The following DKKL1 variants were observed in gnomAD, a reference collection of about 807,000 sequenced individuals.
DKKL1 encodes the protein dickkopf like acrosomal protein 1, also known as dickkopf-like protein 1.
Under a neutral mutation model 16.5 loss-of-function variants are expected in DKKL1, and 11 were observed. That is an observed-to-expected ratio of 0.67 (90% confidence interval 0.42 to 1.10). DKKL1 has a LOEUF of 1.10. DKKL1 is among the 50% of genes least tolerant of loss of function. The probability of loss-of-function intolerance (pLI) is 0.00; values close to 1 mark genes in which losing one functional copy is unlikely to be tolerated. For synonymous variants in DKKL1, 119 were observed against 133.2 expected (o/e 0.89, Z 0.73); for missense variants, 320 against 308.1 (o/e 1.04, Z -0.29).
chr19:49,364,464 G>C, intron 1 of DKKL1, 118 bp from the exon 2 acceptor site: 1 of 771,630 alleles, frequency 1.3e-6, no homozygotes, highest in South Asian at 1.9e-5. Context: ...TGGGGGAAAT[G>C]AGCGCGGTGT....
At chr19:49,373,408 A>G (rs1973586079) in intron 4 of DKKL1, among the ~76,000 whole-genome samples, 1 of 152,224 alleles carries the variant, frequency 6.6e-6, no homozygotes, top group South Asian at 2.1e-4. Flanking sequence ...ATAAGGCCAC[A>G]TTCTGAGGTA....
chr19:49,370,471 T>C (rs927265243), intron 4 of DKKL1: 1 of 149,276 alleles, frequency 6.7e-6, no homozygotes, highest in Admixed American at 6.7e-5. Flanking sequence ...TGAAGGCTGA[T>C]GAATTCACCA....
rs543006270 is a variant in DKKL1, at chr19:49,367,142, C to T, written c.417+1257C>T. Among the ~76,000 whole-genome samples the T allele has an allele frequency of 3.3e-5, 5 of 151,656 alleles. No homozygotes were observed. The South Asian group carries it at 8.4e-4, about 25-fold the overall frequency. ...CTGAGGTTCAAGTGATTCTCCAGCC[C>T]TAGCCTCCCAAGTAGATGGGACTAC... is the stretch of plus-strand genomic sequence containing the variant. On this transcript the variant is annotated intron_variant, in intron 4 of 4. Transcript: ENST00000221498.
At chr19:49,363,784 C>G, upstream of DKKL1, 1 of 645,908 alleles carries the variant, frequency 1.5e-6, no homozygotes. Flanking sequence ...GGAGTAGAGG[C>G]CCGGGCTCCT....
chr19:49,363,713 G>C (rs1430356743), upstream of DKKL1: 3 of 515,070 alleles, frequency 5.8e-6, no homozygotes, highest in African/African-American at 3.9e-5. Context: ...TCACGGCTCT[G>C]GCTTAAGGGG....
intron 3 of DKKL1, 47 bp downstream of exon 3, chr19:49,365,696 C>G (rs777311923): frequency 1.3e-6 from 2 of 1,595,710 alleles, no homozygotes; most frequent in Admixed American, 3.4e-5. Context: ...GGGATCCCTC[C>G]ATCCCGCCAT....
At chr19:49,371,440 T>A (rs1173901686) in intron 4 of DKKL1, among the ~76,000 whole-genome samples, 1 of 152,208 alleles carries the variant, frequency 6.6e-6, no homozygotes, top group Non-Finnish European at 1.5e-5. Flanking sequence ...CATAGTTACA[T>A]TTTATTACTC....
At position 49,364,715 on chromosome 19, in the gene DKKL1, C is replaced by A. The variant is rs779649917; in HGVS notation, c.144C>A (p.Leu48=). 3.4e-5 allele frequency: 55 copies of A among 1,613,824 alleles called. No homozygotes were observed. Among genetic ancestry groups the A allele is most frequent in the Non-Finnish European group, 4.4e-5 (52 of 1,179,956 alleles). ...AQESSLGLTG[L]QSLLQGFSRL... ...AGAGCTCCTTGGGTCTCACAGGCCT[C>A]CAGAGCCTACTCCAAGGCTTCAGCC... The change falls in exon 2 of 5, where the codon CTC becomes CTA. Residue 48 remains leucine (L), a synonymous_variant. Coordinates refer to ENST00000221498, the MANE Select transcript of DKKL1 (RefSeq NM_014419.4).
chr19:49,374,375 T>G (rs571026705), intron 4 of DKKL1, among the ~76,000 whole-genome samples: 38 of 152,198 alleles, frequency 2.5e-4, no homozygotes, highest in Non-Finnish European at 5.1e-4. Flanking sequence ...CTTTTAGTCC[T>G]AAAGTGCTTT....
intron 4 of DKKL1, among the ~76,000 whole-genome samples, chr19:49,366,710 T>C (rs1346160311): frequency 9.5e-6 from 1 of 105,676 alleles, no homozygotes; most frequent in Non-Finnish European, 1.9e-5. Flanking sequence ...GTTTGTTTTT[T>C]TGGTTTTTTT....
rs1232681822 is a variant in DKKL1 at position 49,374,737 on chromosome 19, G to T, written c.438G>T (p.Lys146Asn). Reference sequence around the variant, plus strand: ...CCCAGGTACCCAGGATGGAGGAGAAGGAGGCCCTGGTACCCATCCAGAAGG... The same window carrying T: ...CCCAGGTACCCAGGATGGAGGAGAATGAGGCCCTGGTACCCATCCAGAAGG... Reference protein sequence around the residue: ...GDLKVPRMEEKEALVPIQKAT... With the variant: ...GDLKVPRMEENEALVPIQKAT... The change falls in exon 5 of 5, where the codon AAG becomes AAT. Residue 146 changes from lysine (K) to asparagine (N), a missense_variant. By Grantham distance (94) the Lys-to-Asn change is moderately conservative. Coordinates refer to ENST00000221498, the MANE Select transcript of DKKL1 (RefSeq NM_014419.4). 3 of 1,536,476 alleles carry T rather than the reference G, an allele frequency of 2.0e-6. No individual in the cohort carries two copies. The highest frequency in any genetic ancestry group is 2.6e-6 in the Non-Finnish European group (3 of 1,141,094).
In DKKL1 at chr19:49,365,501, G is replaced by C; in HGVS notation, c.184-8G>C. ...CCAGCAGCTCACCAGTCCCTCCTCC[G>C]GCCCCAGGGTAACCTGCTTCGGGGC... On this transcript the variant is annotated splice_polypyrimidine_tract_variant and splice_region_variant and intron_variant, in intron 2 of 4. Transcript: ENST00000221498. The C allele has an allele frequency of 6.3e-7, 1 of 1,590,468 alleles. No homozygotes were observed. Among genetic ancestry groups the C allele is most frequent in the Non-Finnish European group, 8.6e-7 (1 of 1,166,042 alleles).
intron 4 of DKKL1, among the ~76,000 whole-genome samples, chr19:49,372,801 A>G (rs1275984083): frequency 2.0e-5 from 3 of 151,898 alleles, no homozygotes; most frequent in Non-Finnish European, 4.4e-5. Flanking sequence ...CAGGAGTTCG[A>G]GACCACCCTG....
In DKKL1 at chr19:49,365,893, C is replaced by A; in HGVS notation, c.417+8C>A. 1.9e-6 allele frequency: 3 copies of A among 1,611,692 alleles called. No individual in the cohort carries two copies. The highest frequency in any genetic ancestry group is 2.5e-6 in the Non-Finnish European group (3 of 1,178,776). On this transcript the variant is annotated splice_region_variant and intron_variant, in intron 4 of 4. Transcript: ENST00000221498. ...TTCGAGGGTGATTTGAAGGTTAGGA[C>A]GTGCCCCGCCGTCAAAGTGTCCAGG... is the stretch of plus-strand genomic sequence containing the variant.
At chr19:49,374,148 C>T (rs7259755) in intron 4 of DKKL1, among the ~76,000 whole-genome samples, 5,236 of 152,108 alleles carry the variant, frequency 0.034, 278 homozygotes, top group African/African-American at 0.12. Context: ...CCATGCCCGG[C>T]TAAATTTTTT....
At chr19:49,362,740 A>G (rs1193536050), upstream of DKKL1, among the ~76,000 whole-genome samples, 2 of 150,068 alleles carry the variant, frequency 1.3e-5, no homozygotes, top group Non-Finnish European at 3.0e-5. Flanking sequence ...TGGGAGAGGA[A>G]GCGGCTGGAG....
At chr19:49,361,103 C>G (rs1320280964), upstream of DKKL1, among the ~76,000 whole-genome samples, 2 of 107,652 alleles carry the variant, frequency 1.9e-5, no homozygotes, top group Non-Finnish European at 3.4e-5. Flanking sequence ...GAGAGGGAGA[C>G]AGAGACCCAG....
upstream of DKKL1, chr19:49,363,308 T>A (rs1422268557): frequency 6.5e-6 from 1 of 154,186 alleles, no homozygotes; most frequent in African/African-American, 2.4e-5. Context: ...AAGACTGGAT[T>A]TAGGGTTTCC....
chr19:49,371,720 C>CA (rs1206967832), intron 4 of DKKL1, among the ~76,000 whole-genome samples: 1 of 152,100 alleles, frequency 6.6e-6, no homozygotes, highest in East Asian at 1.9e-4. Flanking sequence ...CTGTACCCAT[C>CA]AGCCCGTCAC....
Sources: allele counts gnomAD v4.1 joint callset (sites outside exome capture counted in the v4.1 genomes callset), GRCh38; gene constraint gnomAD v4.1.1; transcripts MANE v1.5; gene names NCBI Gene and HGNC (gene_info 2026-07-23, HGNC 2026-07-21).